TMEM209: variants seen among roughly 807,000 people sequenced by gnomAD.
TMEM209 encodes transmembrane protein 209.
A neutral mutation model predicts 76.2 loss-of-function variants in TMEM209; 65 were observed. That is an observed-to-expected ratio of 0.85 (90% CI 0.70 to 1.05). The LOEUF is 1.05. Ranked by LOEUF, TMEM209 falls within the 50% of genes least tolerant of loss-of-function variation. The pLI is 0.00. For missense variants in TMEM209, 623 were observed against 685.5 expected, an observed-to-expected ratio of 0.91 and a Z score of 1.02; for synonymous variants, 239 against 237.6, an observed-to-expected ratio of 1.01 and a Z score of -0.06.
chr7:130,185,191 C>T lies in TMEM209; in HGVS notation c.951+1G>A, dbSNP rs755152419. 8.7e-6 allele frequency: 14 copies of T among 1,607,934 alleles called. No homozygotes were observed. Among genetic ancestry groups the T allele is most frequent in the African/African-American group, 2.7e-5 (2 of 74,694 alleles). ...TTAAGTCACTTTTATTTTCCACTTA[C>T]CTCTTCTGCGGCTTGTTTAGAGCTG... is the stretch of plus-strand genomic sequence containing the variant. On this transcript the variant is annotated splice_donor_variant, in intron 7 of 14. Transcript: ENST00000397622. LOFTEE classifies it high-confidence loss of function.
chr7:130,197,758 T>C (rs76521017), intron 5 of TMEM209, among the ~76,000 whole-genome samples: 2 of 152,254 alleles, frequency 1.3e-5, no homozygotes, highest in Non-Finnish European at 2.9e-5. Context: ...TTTACACTTC[T>C]CTGTATCCTT....
intron 6 of TMEM209, among the ~76,000 whole-genome samples, chr7:130,188,424 G>A (rs533906796): frequency 8.6e-5 from 13 of 151,684 alleles, no homozygotes; most frequent in Admixed American, 1.3e-4. Flanking sequence ...GTGAAACCCC[G>A]TCTCTACTAA....
At chr7:130,178,807 GCT>G (rs1412474334) in intron 9 of TMEM209, among the ~76,000 whole-genome samples, 1 of 151,692 alleles carries the variant, frequency 6.6e-6, no homozygotes, top group Non-Finnish European at 1.5e-5. Flanking sequence ...ACAGTGTCTT[GCT>G]CTGTCACCCA....
In TMEM209 at chr7:130,165,479, T is replaced by C. The variant is rs759394860; in HGVS notation, c.*972A>G. ...TAAAACTGAGCTGCTAAAACCAAAG[T>C]AGTAAACAGTTTTCCTGATGTCCTC... On this transcript the variant is annotated 3_prime_UTR_variant, in exon 15 of 15. Coordinates refer to ENST00000397622, the MANE Select transcript of TMEM209 (RefSeq NM_032842.4). 1 of 152,100 alleles carries C rather than the reference T, an allele frequency of 6.6e-6. No individual in the cohort carries two copies. Among genetic ancestry groups the C allele is most frequent in the Non-Finnish European group, 1.5e-5 (1 of 68,014 alleles). 9.4% of individuals were successfully genotyped at this position (152,100 alleles called of 1,614,324 possible).
At chr7:130,171,284 A>G (rs1476144599) in intron 13 of TMEM209, among the ~76,000 whole-genome samples, 1 of 152,218 alleles carries the variant, frequency 6.6e-6, no homozygotes, top group Non-Finnish European at 1.5e-5. Flanking sequence ...AATTTATTTT[A>G]TCTGCAAGGG....
chr7:130,173,741 G>C lies in TMEM209; in HGVS notation c.1460-12C>G. ...CTCATTTGTAACATCTGTAAAGGAA[G>C]GCAATATGCTGCATTAAAAAACCAA... is the stretch of plus-strand genomic sequence containing the variant. On this transcript the variant is annotated splice_polypyrimidine_tract_variant and intron_variant, in intron 12 of 14. Transcript: ENST00000397622. 1 of 1,611,824 alleles carries C rather than the reference G, an allele frequency of 6.2e-7. No individual in the cohort carries two copies. The highest frequency in any genetic ancestry group is 8.5e-7 in the Non-Finnish European group (1 of 1,178,094).
intron 6 of TMEM209, among the ~76,000 whole-genome samples, chr7:130,186,781 T>TCAA (rs1797613006): frequency 6.6e-6 from 1 of 151,458 alleles, no homozygotes; most frequent in Non-Finnish European, 1.5e-5. Context: ...AACACCACCA[T>TCAA]CACCACCACC....
At chr7:130,204,304 T>C (rs1798342334) in intron 1 of TMEM209, among the ~76,000 whole-genome samples, 194 bp from the exon 2 acceptor site, 1 of 152,212 alleles carries the variant, frequency 6.6e-6, no homozygotes, top group Non-Finnish European at 1.5e-5. Flanking sequence ...GTAACTTAAT[T>C]GGCATCACAG....
intron 8 of TMEM209, among the ~76,000 whole-genome samples, chr7:130,182,311 A>G (rs560856308): frequency 6.6e-6 from 1 of 152,178 alleles, no homozygotes; most frequent in South Asian, 2.1e-4. Flanking sequence ...ACTTTTAGCT[A>G]TATGTTAAAT....
chr7:130,181,495 C>T, intron 9 of TMEM209, 128 bp downstream of exon 9: 1 of 695,336 alleles, frequency 1.4e-6, no homozygotes. Flanking sequence ...AAAAATCAAA[C>T]TAGATTATAG....
intron 6 of TMEM209, among the ~76,000 whole-genome samples, chr7:130,190,497 G>A (rs1227772673): frequency 4.7e-5 from 7 of 147,760 alleles, no homozygotes; most frequent in South Asian, 2.1e-4. Flanking sequence ...CAGCCTGGGC[G>A]ACAGAGCCAA....
intron 6 of TMEM209, among the ~76,000 whole-genome samples, chr7:130,187,651 TAAA>T (rs200046329): frequency 2.3e-5 from 3 of 132,588 alleles, no homozygotes. Context: ...TTGGGAGACT[TAAA>T]AAAAAAAAAA....
intron 5 of TMEM209, chr7:130,200,065 G>A (rs1798133690): frequency 6.6e-6 from 1 of 151,926 alleles, no homozygotes; most frequent in African/African-American, 2.4e-5. Context: ...AATTCTGAAA[G>A]TAAGAAAATT....
chr7:130,200,061 G>C (rs972077932), intron 5 of TMEM209: 3 of 151,920 alleles, frequency 2.0e-5, no homozygotes, highest in African/African-American at 7.2e-5. Flanking sequence ...AATCAATTCT[G>C]AAAGTAAGAA....
chr7:130,191,158 A>C (rs1797782908), intron 6 of TMEM209, among the ~76,000 whole-genome samples: 1 of 152,164 alleles, frequency 6.6e-6, no homozygotes. Flanking sequence ...GCCAGATACT[A>C]ACCAAAAGGA....
At chr7:130,175,467 A>G (rs540998448) in intron 11 of TMEM209, 45 bp downstream of exon 11, 2 of 1,545,096 alleles carry the variant, frequency 1.3e-6, no homozygotes, top group East Asian at 2.3e-5. Flanking sequence ...GTGTCAGTCA[A>G]TCAACAGTAA....
At chr7:130,197,705 T>C (rs1375980906) in intron 5 of TMEM209, among the ~76,000 whole-genome samples, 5 of 152,232 alleles carry the variant, frequency 3.3e-5, no homozygotes, top group Non-Finnish European at 7.3e-5. Context: ...TGGTAATAGC[T>C]ATTCTCTGCT....
chr7:130,192,924 C>A, intron 5 of TMEM209, 101 bp from the exon 6 acceptor site: 3 of 1,090,000 alleles, frequency 2.8e-6, no homozygotes, highest in Non-Finnish European at 4.0e-6. Flanking sequence ...TGGCGAAAAT[C>A]CACAATACTG....
At chr7:130,194,338 C>CG (rs1554376735) in intron 5 of TMEM209, among the ~76,000 whole-genome samples, 3 of 139,478 alleles carry the variant, frequency 2.2e-5, no homozygotes, top group African/African-American at 7.9e-5. Context: ...TAAAGTCCAT[C>CG]AAAAAAAAAA....
Sources: gnomAD v4.1 joint callset for allele counts (sites outside exome capture counted in the v4.1 genomes callset) on GRCh38, gnomAD v4.1.1 for gene constraint, MANE v1.5 for transcripts, NCBI Gene and HGNC (gene_info 2026-07-23, HGNC 2026-07-21) for gene names.